The following R3HDM2 variants were observed in gnomAD, a reference collection of about 807,000 sequenced individuals.
R3HDM2 encodes the protein R3H domain containing 2.
R3HDM2 carries 38 observed loss-of-function variants against 124.5 expected under a neutral mutation model. The observed-to-expected ratio is 0.31, with a 90% CI of 0.24 to 0.40. The LOEUF is 0.40. R3HDM2 is among the 10% of genes least tolerant of loss of function. The pLI is 1.00. For synonymous variants in R3HDM2, 391 were observed against 448.0 expected, an observed-to-expected ratio of 0.87 and a Z score of 1.61; for missense variants, 869 against 1,236.9, an observed-to-expected ratio of 0.70 and a Z score of 4.46.
At chr12:57,324,883 T>C (rs1294749071) in intron 2 of R3HDM2, among the ~76,000 whole-genome samples, 1 of 152,128 alleles carries the variant, frequency 6.6e-6, no homozygotes, top group Non-Finnish European at 1.5e-5. Context: ...AAAGAGGCGA[T>C]TAAGTTAAAT....
chr12:57,269,207 A>C, intron 16 of R3HDM2, 116 bp downstream of exon 16: 2 of 1,545,914 alleles, frequency 1.3e-6, no homozygotes, highest in Non-Finnish European at 1.8e-6. Context: ...TGTTCTTAGG[A>C]CCCTAATCAT....
intron 21 of R3HDM2, among the ~76,000 whole-genome samples, chr12:57,256,824 T>C (rs199942345): frequency 1.6e-4 from 17 of 108,662 alleles, no homozygotes; most frequent in East Asian, 2.4e-4. Context: ...TTATCTCTCT[T>C]TTTTTTTTTT....
At chr12:57,415,241 G>A (rs901045517) in intron 1 of R3HDM2, 37 of 152,024 alleles carry the variant, frequency 2.4e-4, no homozygotes, top group African/African-American at 8.5e-4. Flanking sequence ...AATACCAGCC[G>A]TAAATGCAGA....
rs1006298831 is a variant in R3HDM2 at position 57,257,921 on chromosome 12, A to G, written c.2449+69T>C. ...TCCTCTGCCTGTTGTTACTCTTTCA[A>G]TCTCTGCAATTGGGAATGGGATGTG... On this transcript the variant is annotated intron_variant, in intron 21 of 23. Transcript: ENST00000402412. 5.8e-6 allele frequency: 8 copies of G among 1,370,538 alleles called. No homozygotes were observed. The African/African-American group carries it at 1.1e-4, about 20-fold the overall frequency. 84.9% of individuals were successfully genotyped at this position (1,370,538 alleles called of 1,614,324 possible).
At chr12:57,281,898 G>A (rs1318291696) in intron 13 of R3HDM2, among the ~76,000 whole-genome samples, 1 of 152,202 alleles carries the variant, frequency 6.6e-6, no homozygotes, top group Non-Finnish European at 1.5e-5. Flanking sequence ...CAAAGATGAG[G>A]AAGCAAAAAC....
intron 2 of R3HDM2, among the ~76,000 whole-genome samples, chr12:57,386,972 A>G (rs2065927598): frequency 1.3e-5 from 2 of 152,002 alleles, no homozygotes; most frequent in Admixed American, 1.3e-4. Flanking sequence ...TATCTAGCTC[A>G]AGGTTTGTAA....
intron 17 of R3HDM2, 50 bp downstream of exon 17, chr12:57,268,872 T>C (rs1460080206): frequency 1.9e-6 from 3 of 1,584,296 alleles, no homozygotes; most frequent in Non-Finnish European, 2.6e-6. Context: ...GCTCTCCTTT[T>C]CCTCATGCCA....
chr12:57,416,834 G>C (rs2069665175), intron 1 of R3HDM2, among the ~76,000 whole-genome samples: 1 of 149,276 alleles, frequency 6.7e-6, no homozygotes, highest in African/African-American at 2.5e-5. Context: ...AAAGCCAGCT[G>C]GGCATGGTGA....
rs114166720 is a variant in R3HDM2, at chr12:57,321,863, G to A, written c.-35-11400C>T. Among the ~76,000 whole-genome samples, 864 of 152,240 alleles carry A rather than the reference G, an allele frequency of 5.7e-3. 6 individuals carry two copies. The highest frequency in any genetic ancestry group is 0.02 in the African/African-American group (827 of 41,536). ...GACTTGACTGGAAAGAGAAAGAAGG[G>A]ACCCTCCAGGACTGATTGAAATATT... On this transcript the variant is annotated intron_variant, in intron 2 of 23. Coordinates refer to ENST00000402412, the MANE Select transcript of R3HDM2 (RefSeq NM_001394031.1).
intron 2 of R3HDM2, among the ~76,000 whole-genome samples, chr12:57,361,332 G>A (rs542872596): frequency 5.8e-5 from 8 of 137,226 alleles, no homozygotes; most frequent in African/African-American, 1.1e-4. Flanking sequence ...TCGAGATCGC[G>A]CCATTGCACT....
intron 2 of R3HDM2, among the ~76,000 whole-genome samples, chr12:57,373,072 C>T (rs550926653): frequency 2.6e-5 from 4 of 152,232 alleles, no homozygotes; most frequent in African/African-American, 7.2e-5. Context: ...CATGGTGGCA[C>T]GTGCCTGTAG....
chr12:57,269,613 A>G, intron 15 of R3HDM2, 139 bp downstream of exon 15: 1 of 1,448,734 alleles, frequency 6.9e-7, no homozygotes, highest in Non-Finnish European at 9.3e-7. Context: ...TAGAAAGAAG[A>G]CTTTCTGGCT....
In R3HDM2 at chr12:57,254,232, G is replaced by A. The variant is rs3209475; in HGVS notation, c.*541C>T. 8.5e-4 allele frequency: 387 copies of A among 455,214 alleles called. 2 individuals carry two copies. The highest frequency in any genetic ancestry group is 7.0e-3 in the African/African-American group (351 of 50,114). 28.2% of individuals were successfully genotyped at this position (455,214 alleles called of 1,614,324 possible). A position where few individuals can be genotyped will look rare whatever the true frequency, so the allele number is the denominator to read the frequency against. ...GAAGAGGATGGAAGCCAGGCACAGTGGCTCACGCCTGTAATCCCAGCACTC... is the reference window on the plus strand; with the variant it reads ...GAAGAGGATGGAAGCCAGGCACAGTAGCTCACGCCTGTAATCCCAGCACTC... On this transcript the variant is annotated 3_prime_UTR_variant, in exon 24 of 24. Transcript: ENST00000402412.
chr12:57,259,188 A>G, intron 19 of R3HDM2, 129 bp from the exon 20 acceptor site: 1 of 884,688 alleles, frequency 1.1e-6, no homozygotes, highest in Non-Finnish European at 1.7e-6. Context: ...ACGTCTTGCC[A>G]GGAACCTGAG....
chr12:57,259,166 G>A (rs2040000695), intron 19 of R3HDM2, 107 bp from the exon 20 acceptor site: 1 of 1,207,902 alleles, frequency 8.3e-7, no homozygotes, highest in Non-Finnish European at 1.2e-6. Context: ...TTGCCTCAGG[G>A]TCACTCAAGC....
chr12:57,426,923 C>T (rs933788876), intron 1 of R3HDM2, among the ~76,000 whole-genome samples: 2 of 152,222 alleles, frequency 1.3e-5, no homozygotes, highest in Non-Finnish European at 2.9e-5. Context: ...TCCTTACCTA[C>T]TCAGTCAATA....
chr12:57,365,663 C>A (rs377709378), intron 2 of R3HDM2, among the ~76,000 whole-genome samples: 1 of 151,950 alleles, frequency 6.6e-6, no homozygotes, highest in South Asian at 2.1e-4. Flanking sequence ...AAGCTGGAAA[C>A]GGTGGCTTAT....
intron 1 of R3HDM2, among the ~76,000 whole-genome samples, chr12:57,420,186 T>C (rs2070051136): frequency 6.6e-6 from 1 of 152,168 alleles, no homozygotes; most frequent in Non-Finnish European, 1.5e-5. Context: ...TATTGTCTTG[T>C]TCATTCTCCT....
intron 3 of R3HDM2, among the ~76,000 whole-genome samples, chr12:57,306,217 A>G (rs1028843813): frequency 2.0e-5 from 3 of 152,194 alleles, no homozygotes; most frequent in Non-Finnish European, 4.4e-5. Context: ...CAGGCAAGAG[A>G]CTAGGTCACA....
Sources: gnomAD v4.1 joint callset for allele counts (sites outside exome capture counted in the v4.1 genomes callset) on GRCh38, gnomAD v4.1.1 for gene constraint, MANE v1.5 for transcripts, NCBI Gene and HGNC (gene_info 2026-07-23, HGNC 2026-07-21) for gene names.